Variants in PRR16 observed in about 807,000 individuals in gnomAD.
PRR16 encodes proline rich 16.
A neutral mutation model predicts 18.2 loss-of-function variants in PRR16; 6 were observed. The observed-to-expected ratio is 0.33, with a 90% CI of 0.18 to 0.65. The LOEUF is 0.65. PRR16 is among the 30% of genes least tolerant of loss of function. The probability of loss-of-function intolerance (pLI) is 0.74; values close to 1 mark genes in which losing one functional copy is unlikely to be tolerated. For synonymous variants in PRR16, 151 were observed against 147.8 expected (o/e 1.02, Z -0.16); for missense variants, 412 against 376.6 (o/e 1.09, Z -0.78).
At chr5:120,632,190 A>G (rs1217593926) in intron 1 of PRR16, among the ~76,000 whole-genome samples, 3 of 152,236 alleles carry the variant, frequency 2.0e-5, no homozygotes, top group African/African-American at 7.2e-5. Context: ...AAGAGAGAGA[A>G]CACCACACCA....
At chr5:120,628,281 C>A (rs932266420) in intron 1 of PRR16, among the ~76,000 whole-genome samples, 1 of 151,956 alleles carries the variant, frequency 6.6e-6, no homozygotes, top group Admixed American at 6.6e-5. Context: ...TATGGAAACA[C>A]TTTTCTAGTT....
At chr5:120,622,495 T>A (rs1754722059) in intron 1 of PRR16, among the ~76,000 whole-genome samples, 1 of 152,076 alleles carries the variant, frequency 6.6e-6, no homozygotes, top group South Asian at 2.1e-4. Flanking sequence ...TTATTTATTT[T>A]TTGAGATGGA....
At chr5:120,625,663 C>G (rs924979408) in intron 1 of PRR16, among the ~76,000 whole-genome samples, 6 of 152,014 alleles carry the variant, frequency 3.9e-5, no homozygotes, top group African/African-American at 1.4e-4. Context: ...TGCTCTCCCC[C>G]GTATAAAAAC....
At chr5:120,725,171 G>C in the PRR16 span, among the ~76,000 whole-genome samples, 1 of 152,006 alleles carries the variant, frequency 6.6e-6, no homozygotes, top group African/African-American at 2.4e-5. Context: ...CAGTTATGAG[G>C]CTTGGAGGCT....
chr5:120,506,495 T>C (rs2112850667), intron 1 of PRR16, among the ~76,000 whole-genome samples: 1 of 152,236 alleles, frequency 6.6e-6, no homozygotes, highest in Middle Eastern at 3.4e-3. Context: ...AAAACATGAT[T>C]AACGGTGGCT....
intron 1 of PRR16, among the ~76,000 whole-genome samples, chr5:120,521,579 A>G (rs1751181935): frequency 6.6e-6 from 1 of 151,940 alleles, no homozygotes; most frequent in African/African-American, 2.4e-5. Context: ...ATTTGCAAAC[A>G]TTGTGCAATG....
chr5:120,712,706 G>GA, the PRR16 span, among the ~76,000 whole-genome samples: 1 of 152,092 alleles, frequency 6.6e-6, no homozygotes. Flanking sequence ...ACAGATATAT[G>GA]AAAAGGTGCT....
chr5:120,539,920 A>G (rs1468264066), intron 1 of PRR16, among the ~76,000 whole-genome samples: 1 of 152,040 alleles, frequency 6.6e-6, no homozygotes, highest in Non-Finnish European at 1.5e-5. Flanking sequence ...TGTGTTTTAT[A>G]TTATAGGTTC....
intron 1 of PRR16, among the ~76,000 whole-genome samples, chr5:120,506,261 T>C (rs1580661679): frequency 1.3e-5 from 2 of 152,100 alleles, no homozygotes; most frequent in South Asian, 2.1e-4. Context: ...TTATAACTTA[T>C]TTCACATATA....
intron 1 of PRR16, among the ~76,000 whole-genome samples, chr5:120,505,839 T>G (rs1750624453): frequency 6.6e-6 from 1 of 151,782 alleles, no homozygotes; most frequent in Non-Finnish European, 1.5e-5. Context: ...CTTCTGAAAG[T>G]ATGTATATAT....
intron 1 of PRR16, among the ~76,000 whole-genome samples, chr5:120,545,294 A>T (rs149780589): frequency 2.6e-5 from 4 of 152,238 alleles, no homozygotes; most frequent in Admixed American, 2.6e-4. Context: ...ATTATACGTG[A>T]CATTATAGAT....
At chr5:120,755,343 G>A in the PRR16 span, among the ~76,000 whole-genome samples, 1 of 151,938 alleles carries the variant, frequency 6.6e-6, no homozygotes, top group African/African-American at 2.4e-5. Flanking sequence ...GCAGGTACTG[G>A]GCATAGTATC....
intron 1 of PRR16, among the ~76,000 whole-genome samples, chr5:120,613,372 T>TC (rs985614219): frequency 2.7e-4 from 5 of 18,622 alleles, no homozygotes; most frequent in African/African-American, 4.7e-4. Context: ...TCATAATTTA[T>TC]TTTTTTTCTG....
chr5:120,582,544 G>A (rs1460708229), intron 1 of PRR16, among the ~76,000 whole-genome samples: 1 of 151,572 alleles, frequency 6.6e-6, no homozygotes, highest in Admixed American at 6.6e-5. Context: ...AATAACAAAA[G>A]CAATAAACTA....
At chr5:120,606,563 A>T (rs1754159716) in intron 1 of PRR16, among the ~76,000 whole-genome samples, 1 of 152,096 alleles carries the variant, frequency 6.6e-6, no homozygotes, top group African/African-American at 2.4e-5. Context: ...TTTTTTCATT[A>T]ATCACCTAAA....
At chr5:120,703,056 G>T in the PRR16 span, among the ~76,000 whole-genome samples, 2 of 152,124 alleles carry the variant, frequency 1.3e-5, no homozygotes, top group African/African-American at 2.4e-5. Context: ...AGTCCGAAAA[G>T]AGAGTCAGCG....
chr5:120,743,929 T>C, the PRR16 span, among the ~76,000 whole-genome samples: 20 of 152,114 alleles, frequency 1.3e-4, no homozygotes, highest in Non-Finnish European at 2.8e-4. Context: ...GCATCTAATA[T>C]ATGTAATAAT....
At chr5:120,684,748 G>C (rs1450214503) in intron 1 of PRR16, among the ~76,000 whole-genome samples, 1 of 152,146 alleles carries the variant, frequency 6.6e-6, no homozygotes, top group Non-Finnish European at 1.5e-5. Flanking sequence ...GAGACAGTAA[G>C]GTTGCCCTGT....
the PRR16 span, among the ~76,000 whole-genome samples, chr5:120,734,616 CA>C: frequency 6.6e-6 from 1 of 152,064 alleles, no homozygotes; most frequent in Non-Finnish European, 1.5e-5. Context: ...GATTAGAAAA[CA>C]AAATGCTTTT....
Sources: allele counts gnomAD v4.1 joint callset (sites outside exome capture counted in the v4.1 genomes callset), GRCh38; gene constraint gnomAD v4.1.1; transcripts MANE v1.5; gene names NCBI Gene and HGNC (gene_info 2026-07-23, HGNC 2026-07-21).